The following STAC variants were observed in gnomAD, a reference collection of about 807,000 sequenced individuals.
STAC encodes SH3 and cysteine-rich domain-containing protein.
Under a neutral mutation model 48.8 loss-of-function variants are expected in STAC, and 43 were observed. That is an observed-to-expected ratio of 0.88 (90% CI 0.69 to 1.14). The LOEUF (loss-of-function observed/expected upper bound fraction) is 1.14. Among genes scored for constraint, STAC ranks in the 50% most tolerant of loss-of-function variants. The pLI is 0.00. For missense variants in STAC, 497 were observed against 504.0 expected (o/e 0.99, Z 0.13); for synonymous variants, 193 against 179.5 (o/e 1.07, Z -0.60).
At chr3:36,414,148 G>A (rs889622957) in intron 1 of STAC, among the ~76,000 whole-genome samples, 6 of 152,100 alleles carry the variant, frequency 3.9e-5, no homozygotes, top group African/African-American at 1.4e-4. Context: ...TGACAATTAT[G>A]TGTCTTGGAG....
At chr3:36,387,309 G>C (rs1699639361) in intron 1 of STAC, among the ~76,000 whole-genome samples, 1 of 151,722 alleles carries the variant, frequency 6.6e-6, no homozygotes, top group African/African-American at 2.4e-5. Flanking sequence ...GGTTTTTCTT[G>C]ACTGTGGTAA....
chr3:36,426,906 T>C (rs1014903930), intron 1 of STAC, among the ~76,000 whole-genome samples: 4 of 152,218 alleles, frequency 2.6e-5, no homozygotes, highest in Admixed American at 1.3e-4. Flanking sequence ...TTGTTGGTCA[T>C]AAGGGTCTCA....
At chr3:36,500,208 G>A (rs1017397090) in intron 6 of STAC, among the ~76,000 whole-genome samples, 10 of 152,160 alleles carry the variant, frequency 6.6e-5, no homozygotes, top group Non-Finnish European at 7.3e-5. Flanking sequence ...AGTAGAAGAT[G>A]CACATTCCTT....
At chr3:36,454,747 A>T (rs1696802169) in intron 2 of STAC, among the ~76,000 whole-genome samples, 1 of 152,066 alleles carries the variant, frequency 6.6e-6, no homozygotes, top group South Asian at 2.1e-4. Context: ...AGAAAAAAAA[A>T]TACAGAACTT....
chr3:36,491,681 G>C (rs1030002455), intron 5 of STAC, among the ~76,000 whole-genome samples: 1 of 151,930 alleles, frequency 6.6e-6, no homozygotes, highest in African/African-American at 2.4e-5. Flanking sequence ...AAGATAATTT[G>C]TCCCTCTCCG....
At chr3:36,437,931 GTTATTA>G (rs146079093) in intron 1 of STAC, among the ~76,000 whole-genome samples, 134 of 140,558 alleles carry the variant, frequency 9.5e-4, no homozygotes, top group African/African-American at 2.4e-3. Context: ...TATTCATTGA[GTTATTA>G]TTATTATTAT....
intron 1 of STAC, among the ~76,000 whole-genome samples, chr3:36,417,014 G>C (rs930216175): frequency 6.6e-6 from 1 of 152,026 alleles, no homozygotes; most frequent in Admixed American, 6.6e-5. Flanking sequence ...TTTTGGCCAG[G>C]GAGAACTTTG....
At chr3:36,519,011 G>T (rs528859593) in intron 8 of STAC, among the ~76,000 whole-genome samples, 1 of 152,154 alleles carries the variant, frequency 6.6e-6, no homozygotes, top group African/African-American at 2.4e-5. Flanking sequence ...AGCCTCAAAG[G>T]GACGTGAAAG....
At chr3:36,487,563 T>C (rs1222179682) in intron 5 of STAC, among the ~76,000 whole-genome samples, 1 of 152,208 alleles carries the variant, frequency 6.6e-6, no homozygotes, top group Non-Finnish European at 1.5e-5. Context: ...GAAGAGGAAG[T>C]CATAGCTTTT....
chr3:36,527,408 G>A lies in STAC; in HGVS notation c.921-1288G>A, dbSNP rs553177959. On this transcript the variant is annotated intron_variant, in intron 8 of 10. Coordinates refer to ENST00000273183, the MANE Select transcript of STAC (RefSeq NM_003149.3). ...AAAGAAAAATTTCAGAAATAATAAA[G>A]AACCCTTAGAAACTATTTTTTTCTA... 2.0e-5 allele frequency among the ~76,000 whole-genome samples: 3 copies of A among 152,060 alleles called. No individual in the cohort carries two copies. In the East Asian group the frequency reaches 5.8e-4, roughly 29 times the overall value.
chr3:36,393,994 T>C (rs1699804089), intron 1 of STAC, among the ~76,000 whole-genome samples: 1 of 151,998 alleles, frequency 6.6e-6, no homozygotes, highest in Admixed American at 6.6e-5. Flanking sequence ...GGGAGAGATC[T>C]GAGCAAAGCC....
intron 1 of STAC, among the ~76,000 whole-genome samples, chr3:36,389,196 A>G (rs750387645): frequency 6.6e-6 from 1 of 152,178 alleles, no homozygotes; most frequent in Non-Finnish European, 1.5e-5. Flanking sequence ...GTCTTGGTCC[A>G]TTCAGGCTGC....
Position 36,504,452 on chromosome 3 carries a change from C to T in STAC, c.826C>T (p.His276Tyr), listed in dbSNP as rs200786377. The change falls in exon 7 of 11, where the codon CAC (histidine) becomes TAC (tyrosine). Residue 276 changes from histidine (H) to tyrosine (Y), a missense_variant. Coordinates refer to ENST00000273183, the MANE Select transcript of STAC (RefSeq NM_003149.3). The part of the protein sequence containing the change: ...DFRDPAKNIN[H>Y]QGSLSKDPLQ... ...CAGAGATCCAGCGAAGAACATAAACCACCAGGTATTTATGGATGTCACAGA... is the reference window on the plus strand; with the variant it reads ...CAGAGATCCAGCGAAGAACATAAACTACCAGGTATTTATGGATGTCACAGA... 1.7e-5 allele frequency: 27 copies of T among 1,613,166 alleles called. No homozygotes were observed. Among genetic ancestry groups the T allele is most frequent in the Non-Finnish European group, 2.1e-5 (25 of 1,179,582 alleles).
At chr3:36,470,632 G>A (rs535859465) in intron 2 of STAC, among the ~76,000 whole-genome samples, 15 of 152,302 alleles carry the variant, frequency 9.8e-5, no homozygotes, top group African/African-American at 1.7e-4. Flanking sequence ...CAGTTTCTTC[G>A]AAAGGTCTAT....
chr3:36,422,830 GCCA>G (rs1700478993), intron 1 of STAC, among the ~76,000 whole-genome samples: 1 of 152,074 alleles, frequency 6.6e-6, no homozygotes, highest in Non-Finnish European at 1.5e-5. Flanking sequence ...CCTTATACCA[GCCA>G]ATGGTATTTG....
At chr3:36,482,072 A>C (rs528548161) in intron 2 of STAC, among the ~76,000 whole-genome samples, 1 of 152,106 alleles carries the variant, frequency 6.6e-6, no homozygotes, top group Non-Finnish European at 1.5e-5. Flanking sequence ...GCAAAAATAC[A>C]TTTTGGCACC....
At chr3:36,449,889 C>T (rs1171626047) in intron 2 of STAC, among the ~76,000 whole-genome samples, 1 of 152,194 alleles carries the variant, frequency 6.6e-6, no homozygotes, top group Admixed American at 6.5e-5. Flanking sequence ...CTCTTGTTCC[C>T]ATATTTCCCA....
intron 10 of STAC, 151 bp from the exon 11 acceptor site, chr3:36,546,040 C>A: frequency 1.6e-6 from 1 of 614,802 alleles, no homozygotes; most frequent in Non-Finnish European, 2.9e-6. Context: ...AAACCTTTTT[C>A]TCACTGTGCT....
intron 8 of STAC, among the ~76,000 whole-genome samples, chr3:36,522,486 C>T (rs998415667): frequency 1.3e-5 from 2 of 152,162 alleles, no homozygotes; most frequent in Non-Finnish European, 2.9e-5. Context: ...TAAGAAAACC[C>T]AGGCTTAGAT....
Sources: allele counts gnomAD v4.1 joint callset (sites outside exome capture counted in the v4.1 genomes callset), GRCh38; gene constraint gnomAD v4.1.1; transcripts MANE v1.5; gene names NCBI Gene and HGNC (gene_info 2026-07-23, HGNC 2026-07-21).